NECAB1: variants seen among roughly 807,000 people sequenced by gnomAD.
NECAB1 encodes N-terminal EF-hand calcium-binding protein 1.
Under a neutral mutation model 57.5 loss-of-function variants are expected in NECAB1, and 29 were observed. That is an observed-to-expected ratio of 0.50 (90% CI 0.38 to 0.69). The LOEUF (loss-of-function observed/expected upper bound fraction) is 0.69, where lower values mean the gene tolerates loss of function less well. Ranked by LOEUF, NECAB1 falls within the 30% of genes least tolerant of loss-of-function variation. The pLI, the probability that NECAB1 is intolerant of heterozygous loss-of-function variation, is 0.00. For synonymous variants in NECAB1, 142 were observed against 147.7 expected, an observed-to-expected ratio of 0.96 and a Z score of 0.28; for missense variants, 372 against 413.8, an observed-to-expected ratio of 0.90 and a Z score of 0.88.
rs888723004 is a variant in NECAB1 at position 90,957,945 on chromosome 8, A to G, written c.*2433A>G. ...TGGGAAACAAGCTCAAAAAACAGTG[A>G]AAAAAAAAGTACTGGTTTAGGAGTT... On this transcript the variant is annotated 3_prime_UTR_variant, in exon 13 of 13. Coordinates refer to ENST00000417640, the MANE Select transcript of NECAB1 (RefSeq NM_022351.5). 2.0e-5 allele frequency: 3 copies of G among 150,140 alleles called. No homozygotes were observed. The highest frequency in any genetic ancestry group is 4.5e-5 in the Non-Finnish European group (3 of 67,238). The allele number at this position is 150,140 out of a possible 1,614,324, so 9.3% of individuals were successfully genotyped here. A position where few individuals can be genotyped will look rare whatever the true frequency, so the allele number is the denominator to read the frequency against.
At chr8:90,914,674 G>C (rs1809909741) in intron 5 of NECAB1, among the ~76,000 whole-genome samples, 1 of 152,160 alleles carries the variant, frequency 6.6e-6, no homozygotes, top group African/African-American at 2.4e-5. Context: ...GAGATAAGAG[G>C]GTTAGCCTAA....
At chr8:90,954,167 A>G (rs950851218) in intron 12 of NECAB1, among the ~76,000 whole-genome samples, 8 of 151,992 alleles carry the variant, frequency 5.3e-5, no homozygotes, top group South Asian at 4.1e-4. Flanking sequence ...AAAAGCAGAT[A>G]TTACATTTAA....
At chr8:90,900,141 A>G (rs556670244) in intron 5 of NECAB1, among the ~76,000 whole-genome samples, 22 of 152,272 alleles carry the variant, frequency 1.4e-4, no homozygotes, top group African/African-American at 5.3e-4. Context: ...TTTCATTAGT[A>G]AAATAGGCAG....
chr8:90,792,821 T>C (rs1563488515), intron 1 of NECAB1, among the ~76,000 whole-genome samples: 1 of 152,210 alleles, frequency 6.6e-6, no homozygotes, highest in Non-Finnish European at 1.5e-5. Flanking sequence ...GTTTCTGTTT[T>C]CTCTATTTTT....
In NECAB1 at chr8:90,917,870, A is replaced by ATATATATATATATATATATATATG. The variant is rs1554575432; in HGVS notation, c.494+243_494+244insATATATATATATATATATATATGT. On this transcript the variant is annotated intron_variant, in intron 6 of 12. Transcript: ENST00000417640. ...TATATATATATATATATATATATATATGTGTGTGTGTGCGTGTATATATAT... is the reference window on the plus strand; with the variant it reads ...TATATATATATATATATATATATATATATATATATATATATATATATATGTGTGTGTGTGTGCGTGTATATATAT... Among the ~76,000 whole-genome samples the ATATATATATATATATATATATATG allele has an allele frequency of 9.0e-4, 58 of 64,298 alleles. 1 individual carries two copies. Among genetic ancestry groups the ATATATATATATATATATATATATG allele is most frequent in the Non-Finnish European group, 1.3e-3 (51 of 40,028 alleles). The allele number at this position is 64,298 out of a possible 152,430, so 42.2% of individuals were successfully genotyped here.
chr8:90,879,130 A>AAT (rs1039851060), intron 4 of NECAB1, among the ~76,000 whole-genome samples: 10 of 141,700 alleles, frequency 7.1e-5, no homozygotes, highest in Non-Finnish European at 1.5e-4. Flanking sequence ...ATCTATATAT[A>AAT]ATATATATAT....
At chr8:90,889,896 C>T (rs1563519753) in intron 5 of NECAB1, among the ~76,000 whole-genome samples, 1 of 152,194 alleles carries the variant, frequency 6.6e-6, no homozygotes, top group Non-Finnish European at 1.5e-5. Flanking sequence ...CGGAATTAAA[C>T]TCCACTTGTG....
chr8:90,826,909 C>A (rs1812234692), intron 3 of NECAB1, among the ~76,000 whole-genome samples: 1 of 151,866 alleles, frequency 6.6e-6, no homozygotes, highest in South Asian at 2.1e-4. Flanking sequence ...CAGTTTCTCT[C>A]ATATGCATTA....
chr8:90,830,419 G>A (rs1812283943), intron 3 of NECAB1, among the ~76,000 whole-genome samples: 1 of 152,028 alleles, frequency 6.6e-6, no homozygotes, highest in Admixed American at 6.6e-5. Flanking sequence ...GAGAGAGATG[G>A]TGTGGCTATA....
At chr8:90,911,196 C>T (rs889984871) in intron 5 of NECAB1, among the ~76,000 whole-genome samples, 5 of 151,894 alleles carry the variant, frequency 3.3e-5, no homozygotes, top group Admixed American at 6.6e-5. Flanking sequence ...TAAAACCAGA[C>T]TCATACAAAT....
intron 2 of NECAB1, 101 bp from the exon 3 acceptor site, chr8:90,824,616 G>A (rs556199997): frequency 5.0e-4 from 310 of 623,364 alleles, no homozygotes; most frequent in African/African-American, 4.9e-3. Context: ...TTGAGTACAC[G>A]TGTGTACATG....
intron 5 of NECAB1, among the ~76,000 whole-genome samples, chr8:90,906,988 C>T (rs1250418687): frequency 1.3e-5 from 2 of 149,022 alleles, no homozygotes; most frequent in South Asian, 2.1e-4. Context: ...TGGACTCAAG[C>T]GATCATCCCA....
chr8:90,907,131 TGTGTGTGTGTGTGTGTGTGTGAGAGAGA>T (rs1205567342), intron 5 of NECAB1, among the ~76,000 whole-genome samples: 1 of 92,848 alleles, frequency 1.1e-5, no homozygotes, highest in African/African-American at 5.4e-5. Flanking sequence ...TTTGTGTGTG[TGTGTGTGTGTGTGTGTGTGTGAGAGAGA>T]GAGAGAGAGA....
At chr8:90,943,590 C>T (rs1810726895) in intron 10 of NECAB1, among the ~76,000 whole-genome samples, 1 of 152,172 alleles carries the variant, frequency 6.6e-6, no homozygotes, top group African/African-American at 2.4e-5. Flanking sequence ...CCAATGCACC[C>T]AGCACAATTG....
intron 5 of NECAB1, among the ~76,000 whole-genome samples, chr8:90,901,246 A>T (rs1254977515): frequency 1.3e-5 from 2 of 151,942 alleles, no homozygotes; most frequent in African/African-American, 4.8e-5. Flanking sequence ...AAAAAAAAAA[A>T]AAAAATGGTG....
chr8:90,816,299 T>A (rs987936685), intron 2 of NECAB1, among the ~76,000 whole-genome samples: 2 of 151,906 alleles, frequency 1.3e-5, no homozygotes, highest in African/African-American at 4.8e-5. Flanking sequence ...TCCCAGACTG[T>A]GGCTTGTCTT....
Position 90,927,797 on chromosome 8 carries a change from C to T in NECAB1, c.617-426C>T, listed in dbSNP as rs1001934991. 1.1e-4 allele frequency among the ~76,000 whole-genome samples: 16 copies of T among 148,522 alleles called. 1 individual carries two copies. Among genetic ancestry groups the T allele is most frequent in the African/African-American group, 4.1e-4 (16 of 39,070 alleles). ...GGGAAAGGAGACACCAACTATCTTG[C>T]CCTTATGGTTTTTTTTTTTATCGTA... On this transcript the variant is annotated intron_variant, in intron 7 of 12. Transcript: ENST00000417640.
chr8:90,904,501 G>T (rs150953944), intron 5 of NECAB1, among the ~76,000 whole-genome samples: 1 of 151,732 alleles, frequency 6.6e-6, no homozygotes, highest in African/African-American at 2.4e-5. Flanking sequence ...CCAGTTTTAC[G>T]GTAGATTAAA....
chr8:90,868,545 C>T (rs561557227), intron 3 of NECAB1, among the ~76,000 whole-genome samples: 2 of 152,318 alleles, frequency 1.3e-5, no homozygotes, highest in South Asian at 2.1e-4. Context: ...AAGTTACTGA[C>T]AGCATTGTGC....
Sources: gnomAD v4.1 joint callset for allele counts (sites outside exome capture counted in the v4.1 genomes callset) on GRCh38, gnomAD v4.1.1 for gene constraint, MANE v1.5 for transcripts, NCBI Gene and HGNC (gene_info 2026-07-23, HGNC 2026-07-21) for gene names.